EYA4: variants seen among roughly 807,000 people sequenced by gnomAD.
EYA4 encodes the protein protein phosphatase EYA4.
A neutral mutation model predicts 87.9 loss-of-function variants in EYA4; 31 were observed. The observed-to-expected ratio is 0.35, with a 90% CI of 0.27 to 0.48. The LOEUF (loss-of-function observed/expected upper bound fraction) is 0.48. Among genes scored for constraint, EYA4 ranks in the 20% least tolerant of loss-of-function variants. The pLI is 0.99. For missense variants in EYA4, 678 were observed against 761.4 expected, an observed-to-expected ratio of 0.89 and a Z score of 1.29; for synonymous variants, 263 against 270.6, an observed-to-expected ratio of 0.97 and a Z score of 0.28.
At chr6:133,273,908 G>GGTGT (rs1277652800) in intron 1 of EYA4, among the ~76,000 whole-genome samples, 1 of 151,036 alleles carries the variant, frequency 6.6e-6, no homozygotes, top group East Asian at 1.9e-4. Flanking sequence ...TGTGTGTGTG[G>GGTGT]GTGTGTGTGT....
chr6:133,282,873 C>CTGG (rs1404738554), intron 2 of EYA4, among the ~76,000 whole-genome samples: 3 of 152,124 alleles, frequency 2.0e-5, no homozygotes, highest in Non-Finnish European at 4.4e-5. Flanking sequence ...GTCAAGATCC[C>CTGG]TGGGCAGTTG....
intron 2 of EYA4, among the ~76,000 whole-genome samples, chr6:133,380,009 A>G (rs1041211271): frequency 1.6e-4 from 24 of 152,116 alleles, no homozygotes; most frequent in Non-Finnish European, 3.5e-4. Flanking sequence ...TGAAATACCT[A>G]CTATTTCCCA....
chr6:133,267,267 A>T lies in EYA4; in HGVS notation c.-65-7449A>T, dbSNP rs558850221. On this transcript the variant is annotated intron_variant, in intron 1 of 19. Transcript: ENST00000355286. ...TGTAATTGTTTATCAAATTTTTTTT[A>T]GTGTTTCCCATTCATCAGTATCCAA... Among the ~76,000 whole-genome samples, 72 of 152,326 alleles carry T rather than the reference A, an allele frequency of 4.7e-4. 1 individual carries two copies. The highest frequency in any genetic ancestry group is 1.6e-3 in the African/African-American group (67 of 41,580).
chr6:133,458,376 C>T (rs1055538079), intron 6 of EYA4, among the ~76,000 whole-genome samples: 9 of 152,026 alleles, frequency 5.9e-5, no homozygotes, highest in Admixed American at 5.9e-4. Flanking sequence ...CAAAATTTAA[C>T]TGAATTTTCA....
chr6:133,522,029 T>C (rs1193210323), intron 17 of EYA4, among the ~76,000 whole-genome samples: 3 of 128,034 alleles, frequency 2.3e-5, no homozygotes, highest in Non-Finnish European at 5.0e-5. Flanking sequence ...GACGAGTTAG[T>C]GGGTGCAGCG....
chr6:133,488,619 G>T (rs866236529), intron 13 of EYA4, among the ~76,000 whole-genome samples: 1 of 151,790 alleles, frequency 6.6e-6, no homozygotes, highest in Non-Finnish European at 1.5e-5. Flanking sequence ...GTAATCCAGA[G>T]AATTCTTTGA....
chr6:133,271,570 C>A (rs1325457886), intron 1 of EYA4, among the ~76,000 whole-genome samples: 1 of 152,176 alleles, frequency 6.6e-6, no homozygotes, highest in Admixed American at 6.5e-5. Context: ...CCAATATAAT[C>A]AACCTGCCAC....
At chr6:133,494,571 G>A (rs377184322) in intron 13 of EYA4, among the ~76,000 whole-genome samples, 26 of 151,780 alleles carry the variant, frequency 1.7e-4, no homozygotes, top group African/African-American at 6.0e-4. Flanking sequence ...AGGCACAGTA[G>A]CTCAGGCCTG....
At chr6:133,461,853 T>C (rs1296218215) in intron 7 of EYA4, among the ~76,000 whole-genome samples, 5 of 151,868 alleles carry the variant, frequency 3.3e-5, no homozygotes, top group Non-Finnish European at 5.9e-5. Context: ...CCTTTCTTTT[T>C]CTTTTTTTAA....
In EYA4 at chr6:133,415,152, C is replaced by T. The variant is rs115105236; in HGVS notation, c.84-31478C>T. 8.1e-3 allele frequency among the ~76,000 whole-genome samples: 1,230 copies of T among 152,296 alleles called. 17 individuals are homozygous for T. The highest frequency in any genetic ancestry group is 0.028 in the African/African-American group (1,171 of 41,566). ...GCTATCAAACCTGCCTCCTTTCTCA[C>T]TTACCCACACTGCTGGTTTGGTAAA... On this transcript the variant is annotated intron_variant, in intron 3 of 19. Transcript: ENST00000355286.
At chr6:133,525,389 G>T (rs1686280094) in intron 19 of EYA4, 135 bp downstream of exon 19, 1 of 769,224 alleles carries the variant, frequency 1.3e-6, no homozygotes, top group African/African-American at 1.7e-5. Context: ...GCATGAGAGG[G>T]TCAATACTTA....
Position 133,359,224 on chromosome 6 carries a change from C to T in EYA4, c.34-23168C>T, listed in dbSNP as rs559641051. 2.0e-5 allele frequency among the ~76,000 whole-genome samples: 3 copies of T among 152,310 alleles called. No homozygotes were observed. In the South Asian group the frequency reaches 6.2e-4, roughly 32 times the overall value. On this transcript the variant is annotated intron_variant, in intron 2 of 19. Transcript: ENST00000355286. ...AGACACTGAGGGTTAAGGGGGCTGACTTGCCCAAGGTCACCCTGCTGGGAG... is the reference window on the plus strand; with the variant it reads ...AGACACTGAGGGTTAAGGGGGCTGATTTGCCCAAGGTCACCCTGCTGGGAG...
chr6:133,327,592 C>T (rs1477068649), intron 2 of EYA4, among the ~76,000 whole-genome samples: 1 of 152,106 alleles, frequency 6.6e-6, no homozygotes, highest in African/African-American at 2.4e-5. Context: ...GATTGTTTTT[C>T]CCCGAGTAAC....
intron 1 of EYA4, among the ~76,000 whole-genome samples, chr6:133,266,114 T>C (rs2128249311): frequency 6.6e-6 from 1 of 152,302 alleles, no homozygotes; most frequent in East Asian, 1.9e-4. Flanking sequence ...ATGTCTGTAT[T>C]TGGGAATGTG....
intron 3 of EYA4, among the ~76,000 whole-genome samples, chr6:133,436,050 C>T (rs1791641346): frequency 6.6e-6 from 1 of 152,076 alleles, no homozygotes; most frequent in Non-Finnish European, 1.5e-5. Flanking sequence ...GAAACCCCGT[C>T]TCCACTAAAA....
intron 14 of EYA4, 74 bp from the exon 15 acceptor site, chr6:133,512,644 GAGA>G: frequency 9.2e-7 from 1 of 1,086,878 alleles, no homozygotes; most frequent in Non-Finnish European, 1.4e-6. Context: ...CTGATCAGAT[GAGA>G]AGATGGGAAA....
Position 133,448,163 on chromosome 6 carries a change from C to G in EYA4, c.261C>G (p.Thr87=). 6.2e-7 allele frequency: 1 copy of G among 1,613,006 alleles called. No homozygotes were observed. Among genetic ancestry groups the G allele is most frequent in the East Asian group, 2.2e-5 (1 of 44,866 alleles). Residue 87 remains threonine, a synonymous_variant, in exon 5 of 20, where the codon ACC becomes ACG. Coordinates refer to ENST00000355286, the MANE Select transcript of EYA4 (RefSeq NM_004100.5). The stretch of plus-strand genomic sequence containing the variant: ...CAGACTGGTTGCTGAGTTGCAACAC[C>G]CCCTCTTCTGCAACAAGTATGAGAG... ...NTADWLLSCN[T]PSSATMSLLA...
intron 1 of EYA4, among the ~76,000 whole-genome samples, chr6:133,253,007 A>T (rs925680978): frequency 1.2e-4 from 17 of 136,198 alleles, no homozygotes; most frequent in Non-Finnish European, 2.3e-4. Flanking sequence ...TCTCTCTCTC[A>T]CTTCCTTTGA....
Position 133,531,372 on chromosome 6 carries a change from C to T in EYA4, c.*2567C>T. ...TCCCACCTTAGGAATAGAAAATCCTCTTCCTTTCTAATCTGAAAAACGAAA... is the reference window on the plus strand; with the variant it reads ...TCCCACCTTAGGAATAGAAAATCCTTTTCCTTTCTAATCTGAAAAACGAAA... On this transcript the variant is annotated 3_prime_UTR_variant, in exon 20 of 20. Transcript: ENST00000355286. The T allele has an allele frequency of 1.7e-6, 1 of 598,450 alleles. No homozygotes were observed. The highest frequency in any genetic ancestry group is 3.0e-5 in the East Asian group (1 of 33,310). The allele number at this position is 598,450 out of a possible 1,614,324, so 37.1% of individuals were successfully genotyped here.
Sources: gnomAD v4.1 joint callset for allele counts (sites outside exome capture counted in the v4.1 genomes callset) on GRCh38, gnomAD v4.1.1 for gene constraint, MANE v1.5 for transcripts, NCBI Gene and HGNC (gene_info 2026-07-23, HGNC 2026-07-21) for gene names.